The following SCN8A variants were observed in gnomAD, a reference collection of about 807,000 sequenced individuals.
SCN8A encodes sodium voltage-gated channel alpha subunit 8, also known as sodium channel protein type 8 subunit alpha.
Under a neutral mutation model 184.1 loss-of-function variants are expected in SCN8A, and 30 were observed. That is an observed-to-expected ratio of 0.16 (90% confidence interval 0.12 to 0.22). The LOEUF (loss-of-function observed/expected upper bound fraction) is 0.22, where lower values mean the gene tolerates loss of function less well. SCN8A is among the 10% of genes least tolerant of loss of function. SCN8A has a pLI of 1.00. For missense variants in SCN8A, 1,057 were observed against 2,498.9 expected (o/e 0.42, Z 12.30); for synonymous variants, 852 against 907.0 (o/e 0.94, Z 1.09).
At chr12:51,600,308 A>G (rs544529811) in intron 1 of SCN8A, among the ~76,000 whole-genome samples, 29 of 152,252 alleles carry the variant, frequency 1.9e-4, no homozygotes, top group Admixed American at 1.8e-3. Flanking sequence ...ATACCTTTTT[A>G]TAGACTTGGT....
intron 11 of SCN8A, among the ~76,000 whole-genome samples, chr12:51,720,626 GTAAA>G (rs1942037543): frequency 6.6e-6 from 1 of 151,588 alleles, no homozygotes; most frequent in Non-Finnish European, 1.5e-5. Flanking sequence ...AAAAGGAAAA[GTAAA>G]TAAATACATA....
chr12:51,644,568 G>A (rs985748672), intron 1 of SCN8A, among the ~76,000 whole-genome samples: 1 of 152,192 alleles, frequency 6.6e-6, no homozygotes, highest in African/African-American at 2.4e-5. Flanking sequence ...GTGCAGTGGC[G>A]TGATCTCGGC....
chr12:51,739,751 G>C (rs1004720286), intron 12 of SCN8A, among the ~76,000 whole-genome samples: 1 of 152,098 alleles, frequency 6.6e-6, no homozygotes, highest in Non-Finnish European at 1.5e-5. Context: ...ACGAATGGAC[G>C]CCACTTGCGC....
At chr12:51,799,314 C>T (rs60943056) in intron 26 of SCN8A, among the ~76,000 whole-genome samples, 4,144 of 152,206 alleles carry the variant, frequency 0.027, 176 homozygotes, top group African/African-American at 0.092. Flanking sequence ...TGCTGCTGTG[C>T]GCACCCAACT....
At chr12:51,672,194 C>T (rs1348408324) in intron 2 of SCN8A, among the ~76,000 whole-genome samples, 4 of 152,128 alleles carry the variant, frequency 2.6e-5, no homozygotes, top group African/African-American at 9.7e-5. Context: ...AATTGCTTCC[C>T]ATGCCACTGA....
At chr12:51,596,716 G>C (rs1939356787) in intron 1 of SCN8A, among the ~76,000 whole-genome samples, 1 of 152,144 alleles carries the variant, frequency 6.6e-6, no homozygotes, top group Non-Finnish European at 1.5e-5. Context: ...GATGAAAACA[G>C]GAGGCACCAA....
intron 14 of SCN8A, among the ~76,000 whole-genome samples, chr12:51,760,780 T>C (rs950695942): frequency 2.0e-5 from 3 of 152,212 alleles, no homozygotes; most frequent in Admixed American, 6.5e-5. Flanking sequence ...TTTTTTTCAA[T>C]TTTAGAATAT....
In SCN8A at chr12:51,696,533, C is replaced by T. The variant is rs367667813; in HGVS notation, c.707-3037C>T. On this transcript the variant is annotated intron_variant, in intron 6 of 26. Coordinates refer to ENST00000627620, the MANE Select transcript of SCN8A (RefSeq NM_001330260.2). ...GCTGTGTGATTATGATACGATTTCCCAGGGCCTTAGGTTTAAAAGATAGCT... is the reference window on the plus strand; with the variant it reads ...GCTGTGTGATTATGATACGATTTCCTAGGGCCTTAGGTTTAAAAGATAGCT... Among the ~76,000 whole-genome samples the T allele has an allele frequency of 1.8e-3, 277 of 152,220 alleles. 2 individuals are homozygous for T. Among genetic ancestry groups the T allele is most frequent in the African/African-American group, 6.3e-3 (263 of 41,544 alleles).
chr12:51,720,857 G>A (rs570450805), intron 11 of SCN8A, among the ~76,000 whole-genome samples: 48 of 151,878 alleles, frequency 3.2e-4, no homozygotes, highest in Admixed American at 5.9e-4. Context: ...CCTGAGGTCA[G>A]GAGTTTGAGA....
At chr12:51,755,989 A>G (rs527713325) in intron 14 of SCN8A, among the ~76,000 whole-genome samples, 1 of 151,652 alleles carries the variant, frequency 6.6e-6, no homozygotes, top group African/African-American at 2.4e-5. Context: ...CTCCATGTGG[A>G]CACCTGCTCA....
intron 21 of SCN8A, among the ~76,000 whole-genome samples, chr12:51,782,079 C>T (rs1460557237): frequency 6.6e-6 from 1 of 152,190 alleles, no homozygotes; most frequent in African/African-American, 2.4e-5. Flanking sequence ...GCAACAAATT[C>T]ATGTTTCTTC....
Position 51,807,486 on chromosome 12 carries a change from T to A in SCN8A, c.*57T>A. On this transcript the variant is annotated 3_prime_UTR_variant, in exon 27 of 27. Transcript: ENST00000627620. The surrounding 1 kb of genome is among the most constrained non-coding windows in gnomAD (Gnocchi z 4.5). ...TAAAACTCGCAAGTGAAAGATTGTT[T>A]ACAAACTTCCTGAATATTATCAATG... is the stretch of plus-strand genomic sequence containing the variant. 6.6e-7 allele frequency: 1 copy of A among 1,512,540 alleles called. No homozygotes were observed. The highest frequency in any genetic ancestry group is 9.0e-7 in the Non-Finnish European group (1 of 1,110,412). The allele number at this position is 1,512,540 out of a possible 1,614,324, so 93.7% of individuals were successfully genotyped here.
chr12:51,811,957 C>T lies in SCN8A; in HGVS notation c.*4528C>T, dbSNP rs1337598023. The T allele has an allele frequency of 6.6e-6, 1 of 152,154 alleles. No homozygotes were observed. Among genetic ancestry groups the T allele is most frequent in the Non-Finnish European group, 1.5e-5 (1 of 68,048 alleles). The allele number at this position is 152,154 out of a possible 1,614,324, so 9.4% of individuals were successfully genotyped here. A position where few individuals can be genotyped will look rare whatever the true frequency, so the allele number is the denominator to read the frequency against. ...AAGCTTCGTTCATTTTCAGGTACTC[C>T]CCACCCCCTAAAGAATTGGCTGCAA... is the stretch of plus-strand genomic sequence containing the variant. On this transcript the variant is annotated 3_prime_UTR_variant, in exon 27 of 27. Coordinates refer to ENST00000627620, the MANE Select transcript of SCN8A (RefSeq NM_001330260.2).
intron 6 of SCN8A, among the ~76,000 whole-genome samples, chr12:51,691,675 A>G (rs1941511197): frequency 6.6e-6 from 1 of 152,158 alleles, no homozygotes; most frequent in African/African-American, 2.4e-5. Context: ...CTGGGGTGGA[A>G]AATAACATTA....
At chr12:51,732,334 C>T (rs1012910184) in intron 12 of SCN8A, among the ~76,000 whole-genome samples, 2 of 152,128 alleles carry the variant, frequency 1.3e-5, no homozygotes, top group African/African-American at 4.8e-5. Flanking sequence ...ACTGTCTTTT[C>T]CCCAGTGTTT....
At chr12:51,783,587 G>A (rs1937992112) in intron 21 of SCN8A, among the ~76,000 whole-genome samples, 1 of 152,180 alleles carries the variant, frequency 6.6e-6, no homozygotes, top group Non-Finnish European at 1.5e-5. Context: ...AATACTTAAT[G>A]TAGTTCTTTG....
chr12:51,780,526 G>C, intron 20 of SCN8A, 123 bp from the exon 21 acceptor site: 1 of 680,130 alleles, frequency 1.5e-6, no homozygotes, highest in Non-Finnish European at 2.1e-6. Context: ...TGCAGTGCTA[G>C]GGGCTTTATT....
intron 1 of SCN8A, among the ~76,000 whole-genome samples, chr12:51,636,971 A>T (rs530031054): frequency 2.0e-5 from 3 of 152,286 alleles, no homozygotes; most frequent in East Asian, 3.9e-4. Context: ...TTGATTGAGC[A>T]AGTCTGTCGG....
At chr12:51,641,043 C>A (rs1940440886) in intron 1 of SCN8A, among the ~76,000 whole-genome samples, 1 of 152,098 alleles carries the variant, frequency 6.6e-6, no homozygotes, top group African/African-American at 2.4e-5. Context: ...GTTGGCTCTC[C>A]ATATATGTAG....
Sources: allele counts gnomAD v4.1 joint callset (sites outside exome capture counted in the v4.1 genomes callset), GRCh38; gene constraint gnomAD v4.1.1; non-coding constraint Gnocchi (gnomAD v3.1); transcripts MANE v1.5; gene names NCBI Gene and HGNC (gene_info 2026-07-23, HGNC 2026-07-21).